IGDCC4: variants seen among roughly 807,000 people sequenced by gnomAD.
IGDCC4 encodes the protein immunoglobulin superfamily DCC subclass member 4, also known as likely ortholog of mouse neighbor of Punc E11.
IGDCC4 carries 72 observed loss-of-function variants against 116.6 expected under a neutral mutation model. The ratio of observed to expected loss-of-function variants is 0.62; its 90% confidence interval spans 0.51 to 0.75. The LOEUF (loss-of-function observed/expected upper bound fraction) is 0.75, where lower values mean the gene tolerates loss of function less well. IGDCC4 is among the 30% of genes least tolerant of loss of function. IGDCC4 has a pLI of 0.00. For missense variants in IGDCC4, 1,501 were observed against 1,662.4 expected, an observed-to-expected ratio of 0.90 and a Z score of 1.69; for synonymous variants, 709 against 719.9, an observed-to-expected ratio of 0.98 and a Z score of 0.24.
intron 13 of IGDCC4, 45 bp from the exon 14 acceptor site, chr15:65,389,456 C>G (rs2091492179): frequency 6.2e-7 from 1 of 1,613,792 alleles, no homozygotes; most frequent in Non-Finnish European, 8.5e-7. Flanking sequence ...GCACACTCTC[C>G]CAGCAGGGCA....
intron 3 of IGDCC4, among the ~76,000 whole-genome samples, chr15:65,409,267 T>C (rs766793759): frequency 1.3e-5 from 2 of 151,964 alleles, no homozygotes; most frequent in Non-Finnish European, 2.9e-5. Flanking sequence ...GCTGGGACAA[T>C]GCAACACAGG....
chr15:65,411,211 T>G lies in IGDCC4; in HGVS notation c.230A>C (p.Asp77Ala), dbSNP rs2063089794. Reference sequence around the variant, plus strand: ...TAAGTGGTCGTGCTCCAGCAGGGTGTCCCCATCCTTGCTCCAGGTCACCCT... The same window carrying G: ...TAAGTGGTCGTGCTCCAGCAGGGTGGCCCCATCCTTGCTCCAGGTCACCCT... The part of the protein sequence containing the change: ...PTRVTWSKDG[D>A]TLLEHDHLHL... Residue 77 changes from aspartate (D) to alanine (A), a missense_variant, in exon 2 of 20, where the codon GAC becomes GCC. Physicochemically the swap from Asp to Ala is moderately radical, Grantham distance 126. This residue lies in a region of IGDCC4 where 898 missense variants were observed against 978.9 expected (regional missense o/e 0.92). Coordinates refer to ENST00000352385, the MANE Select transcript of IGDCC4 (RefSeq NM_020962.3). 1.2e-6 allele frequency: 2 copies of G among 1,614,120 alleles called. No homozygotes were observed. The highest frequency in any genetic ancestry group is 8.5e-7 in the Non-Finnish European group (1 of 1,180,014).
In IGDCC4 at chr15:65,397,297, C is replaced by T. The variant is rs77903369; in HGVS notation, c.842-308G>A. Among the ~76,000 whole-genome samples, 439 of 152,324 alleles carry T rather than the reference C, an allele frequency of 2.9e-3. 1 individual carries two copies. Among genetic ancestry groups the T allele is most frequent in the African/African-American group, 1.0e-2 (415 of 41,576 alleles). Reference sequence around the variant, plus strand: ...AGTTTTCATTACTGAATTCATTTCTCTCAAGAAGGACATGCTCCTTCCCTG... The same window carrying T: ...AGTTTTCATTACTGAATTCATTTCTTTCAAGAAGGACATGCTCCTTCCCTG... On this transcript the variant is annotated intron_variant, in intron 5 of 19. Transcript: ENST00000352385.
Position 65,385,045 on chromosome 15 carries a change from C to A in IGDCC4, c.3251G>T (p.Gly1084Val). ...SWAGCELPQA[G>V]PRPALTRALL... Reference sequence around the variant, plus strand: ...GGCCCGGGTCAGAGCCGGCCGGGGGCCTGCCTGGGGCAGCTCACAGCCTGC... The same window carrying A: ...GGCCCGGGTCAGAGCCGGCCGGGGGACTGCCTGGGGCAGCTCACAGCCTGC... Residue 1084 changes from glycine to valine, a missense_variant, in exon 19 of 20, where the codon GGC becomes GTC. Physicochemically the swap from Gly to Val is moderately radical, Grantham distance 109. Transcript: ENST00000352385. The A allele has an allele frequency of 1.9e-6, 3 of 1,603,644 alleles. No homozygotes were observed. The highest frequency in any genetic ancestry group is 1.7e-6 in the Non-Finnish European group (2 of 1,176,884).
At chr15:65,397,466 A>G (rs1388713360) in intron 5 of IGDCC4, among the ~76,000 whole-genome samples, 1 of 152,218 alleles carries the variant, frequency 6.6e-6, no homozygotes, top group Non-Finnish European at 1.5e-5. Flanking sequence ...CAGAAAATCT[A>G]GAGAAGCAAT....
chr15:65,395,191 C>T lies in IGDCC4; in HGVS notation c.1479G>A (p.Leu493=). The T allele has an allele frequency of 6.2e-7, 1 of 1,613,996 alleles. No homozygotes were observed. Among genetic ancestry groups the T allele is most frequent in the Non-Finnish European group, 8.5e-7 (1 of 1,179,942 alleles). The part of the protein sequence containing the change: ...NDTTELQVRD[L]EPNTDYEFYV... ...AGAACTCATAATCTGTGTTGGGTTC[C>T]AGGTCCCGAACCTGTAGTTCTGTGG... The change falls in exon 8 of 20, where the codon CTG becomes CTA. Residue 493 remains leucine (L), a synonymous_variant. Coordinates refer to ENST00000352385, the MANE Select transcript of IGDCC4 (RefSeq NM_020962.3).
In IGDCC4 at chr15:65,402,392, T is replaced by G; in HGVS notation, c.659A>C (p.Gln220Pro). ...YRCVATNSARQHFSQEALLSV... is the reference protein window; with the variant it reads ...YRCVATNSARPHFSQEALLSV... The stretch of plus-strand genomic sequence containing the variant: ...GAGTAGGGCCTCCTGGCTGAAGTGC[T>G]GGCGAGCTGAGTTGGTGGCCACGCA... Residue 220 changes from glutamine to proline, a missense_variant, in exon 4 of 20, where the codon CAG (glutamine) becomes CCG (proline). Physicochemically the swap from Gln to Pro is moderately conservative, Grantham distance 76. Coordinates refer to ENST00000352385, the MANE Select transcript of IGDCC4 (RefSeq NM_020962.3). 1 of 1,571,690 alleles carries G rather than the reference T, an allele frequency of 6.4e-7. No individual in the cohort carries two copies. Among genetic ancestry groups the G allele is most frequent in the Non-Finnish European group, 8.6e-7 (1 of 1,157,524 alleles).
chr15:65,408,838 C>CTT (rs397702487), intron 3 of IGDCC4, among the ~76,000 whole-genome samples: 4,948 of 118,594 alleles, frequency 0.042, 235 homozygotes, highest in African/African-American at 0.053. Flanking sequence ...ATGTCTCTCT[C>CTT]TTTTTTTTTT....
rs375451176 is a variant in IGDCC4, at chr15:65,388,552, C to T, written c.2742G>A (p.Glu914=). 2.0e-4 allele frequency: 322 copies of T among 1,614,040 alleles called. No homozygotes were observed. Among genetic ancestry groups the T allele is most frequent in the Non-Finnish European group, 2.6e-4 (312 of 1,180,034 alleles). The change falls in exon 16 of 20, where the codon GAG becomes GAA. Residue 914 remains glutamate, a synonymous_variant. Transcript: ENST00000352385. ...NIFSAEVHGL[E]SDTRYFFKMG... ...TCTTGAAGAAGTACCGAGTGTCGCT[C>T]TCCAGGCCATGGACCTCAGCACTGA...
intron 1 of IGDCC4, among the ~76,000 whole-genome samples, chr15:65,412,246 G>T (rs909753518): frequency 6.6e-6 from 1 of 151,912 alleles, no homozygotes; most frequent in African/African-American, 2.4e-5. Flanking sequence ...GGGTGCAGTG[G>T]CTCACACCTG....
At chr15:65,410,348 G>C in intron 2 of IGDCC4, 29 bp from the exon 3 acceptor site, 7 of 1,613,192 alleles carry the variant, frequency 4.3e-6, no homozygotes, top group Non-Finnish European at 5.9e-6. Context: ...AGGCAGGGAC[G>C]GGAAAAGAAT....
At position 65,384,482 on chromosome 15, in the gene IGDCC4, C is replaced by T. The variant is rs2091434167; in HGVS notation, c.3343-63G>A. On this transcript the variant is annotated intron_variant, in intron 19 of 19. Coordinates refer to ENST00000352385, the MANE Select transcript of IGDCC4 (RefSeq NM_020962.3). The surrounding 1 kb of genome is among the most constrained non-coding windows in gnomAD (Gnocchi z 4.9). ...TACTGAGAGTAATCATCAGAATGAC[C>T]AGCGTACGTGGGGCAGAAAGTCTGA... 1 of 1,440,992 alleles carries T rather than the reference C, an allele frequency of 6.9e-7. No homozygotes were observed. Among genetic ancestry groups the T allele is most frequent in the African/African-American group, 1.4e-5 (1 of 70,290 alleles). The allele number at this position is 1,440,992 out of a possible 1,614,324, so 89.3% of individuals were successfully genotyped here.
At position 65,384,274 on chromosome 15, in the gene IGDCC4, G is replaced by A; in HGVS notation, c.3488C>T (p.Ala1163Val). The change falls in exon 20 of 20, where the codon GCT becomes GTT. Residue 1163 changes from alanine (A) to valine (V), a missense_variant. Around this residue, in one of 3 missense-constraint regions of IGDCC4, gnomAD observed 368 missense variants for 355.6 expected, o/e 1.03. Transcript: ENST00000352385. The surrounding 1 kb of genome is among the most constrained non-coding windows in gnomAD (Gnocchi z 4.9). Reference sequence around the variant, plus strand: ...CCCAACACCCGAGATGAGATCAGGAGCCTCTGGAGGCAGGGGGTCCTCAGG... The same window carrying A: ...CCCAACACCCGAGATGAGATCAGGAACCTCTGGAGGCAGGGGGTCCTCAGG... ...LEPEDPLPPE[A>V]PDLISGVGDP... 1 of 1,607,026 alleles carries A rather than the reference G, an allele frequency of 6.2e-7. No individual in the cohort carries two copies. The highest frequency in any genetic ancestry group is 8.5e-7 in the Non-Finnish European group (1 of 1,176,272).
intron 3 of IGDCC4, among the ~76,000 whole-genome samples, chr15:65,409,146 T>C (rs1031848893): frequency 6.6e-6 from 1 of 152,140 alleles, no homozygotes; most frequent in Non-Finnish European, 1.5e-5. Flanking sequence ...GGATCTCTTA[T>C]GTATGGACCT....
At chr15:65,385,776 G>C in intron 18 of IGDCC4, 55 bp downstream of exon 18, 1 of 1,416,114 alleles carries the variant, frequency 7.1e-7, no homozygotes. Context: ...GTTGTGCTCT[G>C]TCGCCCCCTG....
chr15:65,422,211 T>G (rs962895371), intron 1 of IGDCC4, among the ~76,000 whole-genome samples: 4 of 151,790 alleles, frequency 2.6e-5, no homozygotes, highest in Non-Finnish European at 5.9e-5. Context: ...TTGAGTGTTG[T>G]TTTATCACCA....
chr15:65,388,890 G>T lies in IGDCC4; in HGVS notation c.2625C>A (p.Asn875Lys), dbSNP rs750032193. Reference protein sequence around the residue: ...RLHWCPPTEPNGEIVEYLILY... With the variant: ...RLHWCPPTEPKGEIVEYLILY... ...GGATCAGATACTCCACGATCTCCCC[G>T]TTGGGCTCTGTGGGGGGGCACCAGT... Residue 875 changes from asparagine to lysine, a missense_variant, in exon 15 of 20, where the codon AAC becomes AAA. Physicochemically the swap from Asn to Lys is moderately conservative, Grantham distance 94. Around this residue, in one of 3 missense-constraint regions of IGDCC4, gnomAD observed 235 missense variants for 328.0 expected, o/e 0.72. Coordinates refer to ENST00000352385, the MANE Select transcript of IGDCC4 (RefSeq NM_020962.3). The T allele has an allele frequency of 6.8e-6, 11 of 1,613,902 alleles. No homozygotes were observed. Among genetic ancestry groups the T allele is most frequent in the Non-Finnish European group, 8.5e-6 (10 of 1,179,988 alleles).
chr15:65,388,759 G>A (rs1425295027), intron 15 of IGDCC4, 49 bp downstream of exon 15: 2 of 1,611,474 alleles, frequency 1.2e-6, no homozygotes, highest in East Asian at 2.2e-5. Context: ...CTGGAAGCGG[G>A]AGAGGCTGGG....
At chr15:65,402,855 A>G (rs1043104657) in intron 3 of IGDCC4, among the ~76,000 whole-genome samples, 2 of 152,170 alleles carry the variant, frequency 1.3e-5, no homozygotes, top group African/African-American at 2.4e-5. Flanking sequence ...CGACAACAGC[A>G]AAACTCCATC....
Sources: gnomAD v4.1 joint callset for allele counts (sites outside exome capture counted in the v4.1 genomes callset) on GRCh38, gnomAD v4.1.1 for gene constraint, gnomAD v4.1.1 regional missense constraint, Gnocchi (gnomAD v3.1) non-coding constraint, MANE v1.5 for transcripts, NCBI Gene and HGNC (gene_info 2026-07-23, HGNC 2026-07-21) for gene names.